SPOCK3: variants seen among roughly 807,000 people sequenced by gnomAD.
SPOCK3 encodes the protein SPARC (osteonectin), cwcv and kazal like domains proteoglycan 3, also known as testican-3.
SPOCK3 carries 30 observed loss-of-function variants against 56.6 expected under a neutral mutation model. The ratio of observed to expected loss-of-function variants is 0.53; its 90% CI spans 0.40 to 0.72. The LOEUF (loss-of-function observed/expected upper bound fraction) is 0.72, where lower values mean the gene tolerates loss of function less well. Ranked by LOEUF, SPOCK3 falls within the 30% of genes least tolerant of loss-of-function variation. The pLI, the probability that SPOCK3 is intolerant of heterozygous loss-of-function variation, is 0.00. For missense variants in SPOCK3, 527 were observed against 530.0 expected, an observed-to-expected ratio of 0.99 and a Z score of 0.06; for synonymous variants, 196 against 183.3, an observed-to-expected ratio of 1.07 and a Z score of -0.56.
intron 6 of SPOCK3, among the ~76,000 whole-genome samples, chr4:166,860,841 T>C (rs1190310722): frequency 2.7e-5 from 1 of 37,056 alleles, no homozygotes; most frequent in Middle Eastern, 9.3e-3. Flanking sequence ...GCATAAAATA[T>C]AACTCCATGT....
chr4:166,745,816 A>C (rs1011237285), intron 8 of SPOCK3, among the ~76,000 whole-genome samples: 1 of 152,200 alleles, frequency 6.6e-6, no homozygotes, highest in Non-Finnish European at 1.5e-5. Context: ...AATGTAAAAC[A>C]AAAAAAGCAG....
intron 3 of SPOCK3, among the ~76,000 whole-genome samples, chr4:167,038,501 G>GCCTGGTTATGGT (rs1292354764): frequency 6.6e-6 from 1 of 151,988 alleles, no homozygotes; most frequent in African/African-American, 2.4e-5. Context: ...ACACGTCCCA[G>GCCTGGTTATGGT]AATCTAATAG....
chr4:167,206,064 A>T (rs1049490020), intron 2 of SPOCK3, among the ~76,000 whole-genome samples: 1 of 152,192 alleles, frequency 6.6e-6, no homozygotes, highest in South Asian at 2.1e-4. Flanking sequence ...TTTTTAAAGA[A>T]GTATGTTTAT....
intron 2 of SPOCK3, among the ~76,000 whole-genome samples, chr4:167,079,493 G>C (rs1339704398): frequency 2.0e-5 from 3 of 151,904 alleles, no homozygotes; most frequent in African/African-American, 7.2e-5. Context: ...CAATAGAAAT[G>C]GGGATAAATC....
chr4:167,034,785 T>C (rs1752594722), intron 3 of SPOCK3, among the ~76,000 whole-genome samples: 1 of 152,194 alleles, frequency 6.6e-6, no homozygotes, highest in African/African-American at 2.4e-5. Flanking sequence ...AAGGACATAG[T>C]TATTTTAAAT....
At chr4:166,842,574 T>A (rs900011972) in intron 6 of SPOCK3, among the ~76,000 whole-genome samples, 1 of 152,060 alleles carries the variant, frequency 6.6e-6, no homozygotes, top group Non-Finnish European at 1.5e-5. Flanking sequence ...AGACACAGAG[T>A]GCTGATTGGT....
At chr4:166,788,183 A>AAACC (rs1740942898) in intron 7 of SPOCK3, among the ~76,000 whole-genome samples, 2 of 151,468 alleles carry the variant, frequency 1.3e-5, no homozygotes, top group Non-Finnish European at 2.9e-5. Flanking sequence ...CTCCATTTAA[A>AAACC]AAACAAACAA....
intron 2 of SPOCK3, among the ~76,000 whole-genome samples, chr4:167,184,132 T>A (rs760222546): frequency 3.3e-5 from 5 of 152,232 alleles, no homozygotes; most frequent in South Asian, 4.1e-4. Flanking sequence ...AAAATGAGGC[T>A]TCAATATTGA....
intron 3 of SPOCK3, among the ~76,000 whole-genome samples, chr4:167,056,556 T>C (rs572732079): frequency 1.3e-4 from 20 of 152,012 alleles, no homozygotes; most frequent in Non-Finnish European, 2.8e-4. Flanking sequence ...TAGATGAATG[T>C]ATAACTAGAA....
intron 4 of SPOCK3, among the ~76,000 whole-genome samples, chr4:166,938,223 T>A (rs1056891365): frequency 1.3e-5 from 2 of 151,504 alleles, no homozygotes; most frequent in African/African-American, 2.4e-5. Flanking sequence ...AAGCTATAAA[T>A]TAATACAAAT....
chr4:166,890,583 C>T (rs74674463), intron 5 of SPOCK3, among the ~76,000 whole-genome samples: 86 of 151,916 alleles, frequency 5.7e-4, no homozygotes, highest in Non-Finnish European at 9.9e-4. Flanking sequence ...AACATTACTC[C>T]TGGTAGAATT....
At position 166,850,619 on chromosome 4, in the gene SPOCK3, G is replaced by A. The variant is rs551985734; in HGVS notation, c.589+38511C>T. On this transcript the variant is annotated intron_variant, in intron 6 of 10. Coordinates refer to ENST00000357545, the MANE Select transcript of SPOCK3 (RefSeq NM_001040159.2). ...AGGTCACTGGGTGCGTGCACCGTGCGCGAGCCAAAGCAGGGCGAGGCATTG... is the reference window on the plus strand; with the variant it reads ...AGGTCACTGGGTGCGTGCACCGTGCACGAGCCAAAGCAGGGCGAGGCATTG... Among the ~76,000 whole-genome samples, 61 of 152,342 alleles carry A rather than the reference G, an allele frequency of 4.0e-4. 1 individual carries two copies. The highest frequency in any genetic ancestry group is 2.2e-3 in the Admixed American group (33 of 15,306).
chr4:166,804,667 A>G (rs1579278858), intron 6 of SPOCK3, among the ~76,000 whole-genome samples: 1 of 152,162 alleles, frequency 6.6e-6, no homozygotes, highest in East Asian at 1.9e-4. Context: ...CTTAAATATT[A>G]CATTTCCTTG....
chr4:166,977,879 C>A (rs562334552), intron 4 of SPOCK3, among the ~76,000 whole-genome samples: 1 of 152,234 alleles, frequency 6.6e-6, no homozygotes, highest in Admixed American at 6.5e-5. Flanking sequence ...TCAATTTTCT[C>A]CCTCTTGATA....
intron 8 of SPOCK3, among the ~76,000 whole-genome samples, chr4:166,744,596 TC>T (rs2126420993): frequency 6.6e-6 from 1 of 152,162 alleles, no homozygotes; most frequent in South Asian, 2.1e-4. Context: ...GGAACGCAGC[TC>T]CTCACCAGCA....
At chr4:167,214,628 G>A (rs534673501) in intron 2 of SPOCK3, among the ~76,000 whole-genome samples, 418 of 152,040 alleles carry the variant, frequency 2.7e-3, no homozygotes, top group Non-Finnish European at 4.4e-3. Context: ...GCTTTTCCAG[G>A]AAAAATAAAG....
intron 7 of SPOCK3, among the ~76,000 whole-genome samples, chr4:166,765,263 T>C (rs1737844681): frequency 6.6e-6 from 1 of 152,236 alleles, no homozygotes; most frequent in African/African-American, 2.4e-5. Flanking sequence ...TCCTTGCCCA[T>C]GCCTATGTCC....
intron 3 of SPOCK3, among the ~76,000 whole-genome samples, chr4:167,037,806 CAT>C (rs2150194318): frequency 6.6e-6 from 1 of 152,340 alleles, no homozygotes; most frequent in African/African-American, 2.4e-5. Context: ...TTTGACATAA[CAT>C]AGTTTTATCA....
At chr4:166,781,781 G>A (rs1029761558) in intron 7 of SPOCK3, among the ~76,000 whole-genome samples, 6 of 151,868 alleles carry the variant, frequency 4.0e-5, no homozygotes, top group African/African-American at 1.5e-4. Flanking sequence ...CTCTAAAATA[G>A]TTACATATTT....
Sources: allele counts gnomAD v4.1 joint callset (sites outside exome capture counted in the v4.1 genomes callset), GRCh38; gene constraint gnomAD v4.1.1; transcripts MANE v1.5; gene names NCBI Gene and HGNC (gene_info 2026-07-23, HGNC 2026-07-21).